The following PTPRD variants were observed in gnomAD, a reference collection of about 807,000 sequenced individuals.
PTPRD encodes receptor-type tyrosine-protein phosphatase delta.
In PTPRD, 34 loss-of-function variants were observed where a neutral mutation model predicts 214.5. The observed-to-expected ratio is 0.16, with a 90% CI of 0.12 to 0.21. The LOEUF (loss-of-function observed/expected upper bound fraction) is 0.21. Ranked by LOEUF, PTPRD falls within the 10% of genes least tolerant of loss-of-function variation. The pLI is 1.00. For missense variants in PTPRD, 2,545 were observed against 2,398.7 expected (o/e 1.06, Z -1.27); for synonymous variants, 1,128 against 845.7 (o/e 1.33, Z -5.79).
chr9:8,977,279 A>C (rs1031020816), intron 11 of PTPRD, among the ~76,000 whole-genome samples: 3 of 152,104 alleles, frequency 2.0e-5, no homozygotes, highest in Non-Finnish European at 4.4e-5. Context: ...CCAGATTCAC[A>C]ATTTCAAAGC....
intron 5 of PTPRD, among the ~76,000 whole-genome samples, chr9:9,835,567 T>C (rs540447969): frequency 4.5e-4 from 68 of 152,210 alleles, no homozygotes; most frequent in African/African-American, 1.6e-3. Context: ...AACAAATTCA[T>C]GCCTTCTTTA....
At chr9:9,981,562 G>A (rs534855738) in intron 4 of PTPRD, among the ~76,000 whole-genome samples, 56 of 151,526 alleles carry the variant, frequency 3.7e-4, no homozygotes, top group Middle Eastern at 3.4e-3. Flanking sequence ...GAGTTCCACC[G>A]TGTTAGCCAG....
chr9:8,841,632 A>C (rs2154535413), intron 11 of PTPRD, among the ~76,000 whole-genome samples: 1 of 151,560 alleles, frequency 6.6e-6, no homozygotes, highest in South Asian at 2.1e-4. Context: ...GCCTTTAAAA[A>C]CCCCTACCTT....
At chr9:8,579,796 G>A (rs1213531555) in intron 14 of PTPRD, among the ~76,000 whole-genome samples, 10 of 152,178 alleles carry the variant, frequency 6.6e-5, no homozygotes, top group East Asian at 3.9e-4. Flanking sequence ...TCATGCAGAC[G>A]TACCTTGGAA....
At chr9:10,274,064 G>A (rs916063535) in intron 3 of PTPRD, among the ~76,000 whole-genome samples, 1 of 151,958 alleles carries the variant, frequency 6.6e-6, no homozygotes, top group Non-Finnish European at 1.5e-5. Flanking sequence ...AATGGCTGTG[G>A]GTTTCTGTTT....
chr9:8,814,161 A>AT (rs34645244), intron 11 of PTPRD, among the ~76,000 whole-genome samples: 14 of 151,510 alleles, frequency 9.2e-5, no homozygotes, highest in African/African-American at 2.9e-4. Context: ...TTATGCAAGT[A>AT]TTTTTTTTTT....
At position 9,215,263 on chromosome 9, in the gene PTPRD, T is replaced by C. The variant is rs561015465; in HGVS notation, c.-202-31900A>G. ...GCAGAAGTCACGCCTGAGAGTAGTT[T>C]AACCCAGGTTATGCAATGGAGCAGT... On this transcript the variant is annotated intron_variant, in intron 9 of 45. Coordinates refer to ENST00000381196, the MANE Select transcript of PTPRD (RefSeq NM_002839.4). Among the ~76,000 whole-genome samples, 12 of 152,280 alleles carry C rather than the reference T, an allele frequency of 7.9e-5. No homozygotes were observed. The South Asian group carries it at 2.5e-3, about 32-fold the overall frequency.
At chr9:9,726,235 A>T (rs949293741) in intron 7 of PTPRD, among the ~76,000 whole-genome samples, 3 of 152,176 alleles carry the variant, frequency 2.0e-5, no homozygotes, top group African/African-American at 7.2e-5. Context: ...AAACTTCACT[A>T]TCGGATATCC....
chr9:9,430,806 GA>G (rs2082794928), intron 8 of PTPRD, among the ~76,000 whole-genome samples: 1 of 152,166 alleles, frequency 6.6e-6, no homozygotes, highest in Non-Finnish European at 1.5e-5. Flanking sequence ...ATGGGGAAAG[GA>G]ATCCCTGTTT....
chr9:9,022,932 C>A (rs2099574801), intron 10 of PTPRD, among the ~76,000 whole-genome samples: 1 of 152,118 alleles, frequency 6.6e-6, no homozygotes, highest in Non-Finnish European at 1.5e-5. Flanking sequence ...AATTTCATGG[C>A]TGGCATGACT....
intron 3 of PTPRD, among the ~76,000 whole-genome samples, chr9:10,240,085 C>A (rs2099642481): frequency 6.6e-6 from 1 of 151,856 alleles, no homozygotes; most frequent in Non-Finnish European, 1.5e-5. Flanking sequence ...GCTGAGTTGT[C>A]CCACCCAATC....
At chr9:10,398,555 G>A (rs746741296) in intron 2 of PTPRD, among the ~76,000 whole-genome samples, 1 of 151,892 alleles carries the variant, frequency 6.6e-6, no homozygotes, top group South Asian at 2.1e-4. Flanking sequence ...AACCTACTAT[G>A]TGCTAGATAT....
At chr9:8,552,039 C>A (rs977166279) in intron 14 of PTPRD, among the ~76,000 whole-genome samples, 1 of 152,144 alleles carries the variant, frequency 6.6e-6, no homozygotes. Context: ...TGCCCCCATA[C>A]CCACCATATA....
intron 2 of PTPRD, among the ~76,000 whole-genome samples, chr9:10,492,029 C>A (rs1030484234): frequency 1.3e-5 from 2 of 152,232 alleles, no homozygotes; most frequent in Middle Eastern, 3.4e-3. Context: ...TATGTCCCTG[C>A]AAAGGATGTG....
At chr9:8,519,875 T>A (rs1227643688) in intron 20 of PTPRD, among the ~76,000 whole-genome samples, 2 of 152,136 alleles carry the variant, frequency 1.3e-5, no homozygotes, top group African/African-American at 4.8e-5. Flanking sequence ...GGCCCCTGCT[T>A]TTGAATTCTT....
chr9:9,909,068 GA>G (rs34177641), intron 5 of PTPRD, among the ~76,000 whole-genome samples: 44,736 of 151,500 alleles, frequency 0.3, 7,341 homozygotes, highest in African/African-American at 0.43. Context: ...TTCCAGGATT[GA>G]AAAAGCAACT....
chr9:8,670,821 C>T (rs536634952), intron 12 of PTPRD, among the ~76,000 whole-genome samples: 4 of 152,014 alleles, frequency 2.6e-5, no homozygotes, highest in Non-Finnish European at 4.4e-5. Flanking sequence ...TACAGAGAGG[C>T]GACAGAGAAT....
intron 8 of PTPRD, among the ~76,000 whole-genome samples, chr9:9,399,445 C>G (rs1297965974): frequency 1.3e-5 from 2 of 152,008 alleles, no homozygotes; most frequent in African/African-American, 4.8e-5. Flanking sequence ...GACACCCCTA[C>G]AGTAGAATGC....
At chr9:10,177,331 G>C (rs529968773) in intron 3 of PTPRD, among the ~76,000 whole-genome samples, 59 of 151,694 alleles carry the variant, frequency 3.9e-4, no homozygotes, top group African/African-American at 1.4e-3. Context: ...GAGTGGCACA[G>C]ATGAAGAGGA....
Sources: allele counts gnomAD v4.1 joint callset (sites outside exome capture counted in the v4.1 genomes callset), GRCh38; gene constraint gnomAD v4.1.1; transcripts MANE v1.5; gene names NCBI Gene and HGNC (gene_info 2026-07-23, HGNC 2026-07-21).